DGKQ: variants seen among roughly 807,000 people sequenced by gnomAD.
DGKQ encodes the protein diacylglycerol kinase theta, also known as DAG kinase theta.
DGKQ carries 97 observed loss-of-function variants against 104.2 expected under a neutral mutation model. That is an observed-to-expected ratio of 0.93 (90% CI 0.79 to 1.10). The LOEUF is 1.10. Among genes scored for constraint, DGKQ ranks in the 50% least tolerant of loss-of-function variants. The pLI, the probability that DGKQ is intolerant of heterozygous loss-of-function variation, is 0.00. For missense variants in DGKQ, 1,465 were observed against 1,352.1 expected (o/e 1.08, Z -1.31); for synonymous variants, 736 against 595.2 (o/e 1.24, Z -3.44).
rs1225167387 is a variant in DGKQ at position 961,494 on chromosome 4, A to G, written c.2547T>C (p.Val849=). ...KPRMDDGLLE[V]VGVTGVVHMG... ...TGTGCACGACGCCCGTCACGCCCAC[A>G]ACCTCCAGCAGCCCGTCGTCCATGC... The change falls in exon 21 of 23, where the codon GTT becomes GTC. Residue 849 remains valine (V), a synonymous_variant. Transcript: ENST00000273814. 6.2e-7 allele frequency: 1 copy of G among 1,606,232 alleles called. No individual in the cohort carries two copies. Among genetic ancestry groups the G allele is most frequent in the South Asian group, 1.1e-5 (1 of 90,352 alleles).
chr4:966,025 A>G lies in DGKQ; in HGVS notation c.1482T>C (p.Asp494=). 5.0e-6 allele frequency: 8 copies of G among 1,605,142 alleles called. No individual in the cohort carries two copies. Among genetic ancestry groups the G allele is most frequent in the Non-Finnish European group, 6.8e-6 (8 of 1,176,858 alleles). ...CAAACAGGGAGACGTGCGGGGCTAC[A>G]TCCCTGCTCTCTGCCACGTAGAACC... ...QTRFYVAESR[D]VAPHVSLFVG... is the part of the protein sequence containing the mutation. The change falls in exon 13 of 23, where the codon GAT becomes GAC. Residue 494 remains aspartate, a synonymous_variant. Coordinates refer to ENST00000273814, the MANE Select transcript of DGKQ (RefSeq NM_001347.4).
At chr4:967,506 G>T in intron 8 of DGKQ, 43 bp downstream of exon 8, 1 of 1,583,752 alleles carries the variant, frequency 6.3e-7, no homozygotes. Flanking sequence ...GGGGACATGC[G>T]GTCCTGGGAG....
In DGKQ at chr4:971,001, G is replaced by C; in HGVS notation, c.343C>G (p.Leu115Val). Reference protein sequence around the residue: ...RIPCTSVAPSLVRVPVAHCFG... With the variant: ...RIPCTSVAPSVVRVPVAHCFG... ...CCCAGCCCCACACTCACCCGGACCA[G>C]GCTGGGTGCCACACTCGTGCACGGG... The change falls in exon 2 of 23, where the codon CTG (leucine) becomes GTG (valine). Residue 115 changes from leucine to valine, a missense_variant. Coordinates refer to ENST00000273814, the MANE Select transcript of DGKQ (RefSeq NM_001347.4). The surrounding 1 kb of genome is among the most constrained non-coding windows in gnomAD (Gnocchi z 4.0). 6.4e-7 allele frequency: 1 copy of C among 1,551,798 alleles called. No individual in the cohort carries two copies.
intron 2 of DGKQ, among the ~76,000 whole-genome samples, chr4:970,234 A>G (rs1712822943): frequency 6.6e-6 from 1 of 152,246 alleles, no homozygotes; most frequent in African/African-American, 2.4e-5. Flanking sequence ...GTCCTGCTGC[A>G]CACCCGGGCC....
rs189988951 is a variant in DGKQ, at chr4:971,296, A to G, written c.272-224T>C. 1.6e-4 allele frequency among the ~76,000 whole-genome samples: 24 copies of G among 152,166 alleles called. No homozygotes were observed. Among genetic ancestry groups the G allele is most frequent in the African/African-American group, 5.3e-4 (22 of 41,418 alleles). ...GTGGTCCTGACCATCCTGGAGGACA[A>G]TGAGTGTATCCTCTCATCCAGAGAG... On this transcript the variant is annotated intron_variant, in intron 1 of 22. Transcript: ENST00000273814. The surrounding 1 kb of genome is among the most constrained non-coding windows in gnomAD (Gnocchi z 4.0).
rs1248679149 is a variant in DGKQ at position 961,534 on chromosome 4, C to T, written c.2507G>A (p.Arg836Lys). The T allele has an allele frequency of 1.2e-6, 2 of 1,609,522 alleles. No individual in the cohort carries two copies. Among genetic ancestry groups the T allele is most frequent in the Admixed American group, 3.3e-5 (2 of 59,770 alleles). The part of the protein sequence containing the change: ...ADLWGSDSDT[R>K]FEKPRMDDGL... ...GTCGTCCATGCGTGGCTTCTCAAAC[C>T]TGGTGTCGCTGTCGGAGCCCCACAG... is the stretch of plus-strand genomic sequence containing the variant. Residue 836 changes from arginine to lysine, a missense_variant, in exon 21 of 23, where the codon AGG (arginine) becomes AAG (lysine). Physicochemically the swap from Arg to Lys is conservative, Grantham distance 26. Coordinates refer to ENST00000273814, the MANE Select transcript of DGKQ (RefSeq NM_001347.4).
In DGKQ at chr4:961,321, C is replaced by T. The variant is rs1171361076; in HGVS notation, c.2575-120G>A. The T allele has an allele frequency of 3.2e-6, 4 of 1,269,404 alleles. No homozygotes were observed. In the Admixed American group the frequency reaches 8.6e-5, roughly 27 times the overall value. 78.6% of individuals were successfully genotyped at this position (1,269,404 alleles called of 1,614,324 possible). ...AGGGACGCCCACCCTGGACCTGGCC[C>T]TGGGGCGGGAGAGGCCAGCCGGGCT... On this transcript the variant is annotated intron_variant, in intron 21 of 22. Transcript: ENST00000273814.
At position 967,417 on chromosome 4, in the gene DGKQ, G is replaced by A. The variant is rs896360429; in HGVS notation, c.988-56C>T. 107 of 1,334,034 alleles carry A rather than the reference G, an allele frequency of 8.0e-5. 1 individual carries two copies. In the South Asian group the frequency reaches 1.3e-3, roughly 16 times the overall value. The allele number at this position is 1,334,034 out of a possible 1,614,324, so 82.6% of individuals were successfully genotyped here. ...TGTGGGGGGTCAGGCGGGGTTCAGT[G>A]GGGGGCAGGTCATGGAGGGGGAGGC... On this transcript the variant is annotated intron_variant, in intron 8 of 22. Coordinates refer to ENST00000273814, the MANE Select transcript of DGKQ (RefSeq NM_001347.4).
In DGKQ at chr4:961,044, C is replaced by T. The variant is rs1711845235; in HGVS notation, c.2727+5G>A. The T allele has an allele frequency of 1.7e-5, 28 of 1,612,190 alleles. No individual in the cohort carries two copies. Among genetic ancestry groups the T allele is most frequent in the Non-Finnish European group, 2.4e-5 (28 of 1,179,642 alleles). ...CCCCTGGCTCTCCAGCCTCACCCCA[C>T]ATACCTTAGGGCCAGCAGCTGAGAT... On this transcript the variant is annotated splice_donor_5th_base_variant and intron_variant, in intron 22 of 22. Transcript: ENST00000273814.
rs1711967292 is a variant in DGKQ, at chr4:962,530, C to A, written c.2119G>T (p.Ala707Ser). ...PFSVLLSVDE[A>S]DAVLMDRWTI... ...CAGCGGTCCATGAGCACGGCGTCGG[C>A]CTCGTCCACAGACAGCAGTACGGAG... The change falls in exon 18 of 23, where the codon GCC (alanine) becomes TCC (serine). Residue 707 changes from alanine to serine, a missense_variant. Coordinates refer to ENST00000273814, the MANE Select transcript of DGKQ (RefSeq NM_001347.4). 1 of 1,610,044 alleles carries A rather than the reference C, an allele frequency of 6.2e-7. No homozygotes were observed. The highest frequency in any genetic ancestry group is 1.3e-5 in the African/African-American group (1 of 74,922).
rs757376107 is a variant in DGKQ, at chr4:967,218, G to A, written c.1131C>T (p.Pro377=). 119 of 1,580,720 alleles carry A rather than the reference G, an allele frequency of 7.5e-5. No individual in the cohort carries two copies. The highest frequency in any genetic ancestry group is 1.7e-4 in the Middle Eastern group (1 of 6,040). The change falls in exon 9 of 23, where the codon CCC becomes CCT. Residue 377 remains proline (P), a synonymous_variant. Coordinates refer to ENST00000273814, the MANE Select transcript of DGKQ (RefSeq NM_001347.4). Reference sequence around the variant, plus strand: ...CCTCTGGCGTGGCCTCGCCGGACCCGGGGCTTCTGCCCTCCTCCGAGATCA... The same window carrying A: ...CCTCTGGCGTGGCCTCGCCGGACCCAGGGCTTCTGCCCTCCTCCGAGATCA... ...SAVISEEGRS[P]GSGEATPEAW... is the part of the protein sequence containing the mutation.
intron 14 of DGKQ, 85 bp downstream of exon 14, chr4:965,406 G>C (rs1712228963): frequency 1.3e-6 from 2 of 1,551,072 alleles, no homozygotes; most frequent in Non-Finnish European, 1.8e-6. Flanking sequence ...GAAAGGTCAG[G>C]TGCTACGTGA....
In DGKQ at chr4:967,171, G is replaced by A. The variant is rs370662507; in HGVS notation, c.1178C>T (p.Pro393Leu). Reference protein sequence around the residue: ...TPEAWVIRALPRAQEVLKIYP... With the variant: ...TPEAWVIRALLRAQEVLKIYP... ...GATCTTCAGGACCTCCTGGGCCCGCGGCAGAGCCCGGATGACCCAGGCCTC... is the reference window on the plus strand; with the variant it reads ...GATCTTCAGGACCTCCTGGGCCCGCAGCAGAGCCCGGATGACCCAGGCCTC... The change falls in exon 9 of 23, where the codon CCG becomes CTG. Residue 393 changes from proline (P) to leucine (L), a missense_variant. By Grantham distance (98) the Pro-to-Leu change is moderately conservative. Transcript: ENST00000273814. 7 of 1,598,656 alleles carry A rather than the reference G, an allele frequency of 4.4e-6. No individual in the cohort carries two copies. Among genetic ancestry groups the A allele is most frequent in the Middle Eastern group, 1.7e-4 (1 of 6,034 alleles).
In DGKQ at chr4:963,197, G is replaced by A. The variant is rs1217453081; in HGVS notation, c.1828C>T (p.Arg610Trp). Residue 610 changes from arginine to tryptophan, a missense_variant, in exon 16 of 23, where the codon CGG (arginine) becomes TGG (tryptophan). Physicochemically the swap from Arg to Trp is moderately radical, Grantham distance 101. Coordinates refer to ENST00000273814, the MANE Select transcript of DGKQ (RefSeq NM_001347.4). ...ACCTGATGAGGGTTCAGTAGCTTCC[G>A]GAAGCTGCAGAGCAGGTCTCGGCCC... ...LKGRDLLCSF[R>W]KLLNPHQVFD... The A allele has an allele frequency of 5.6e-6, 9 of 1,611,032 alleles. No individual in the cohort carries two copies. Among genetic ancestry groups the A allele is most frequent in the Admixed American group, 5.0e-5 (3 of 59,946 alleles).
chr4:971,150 G>A lies in DGKQ; in HGVS notation c.272-78C>T. The A allele has an allele frequency of 1.9e-6, 2 of 1,074,022 alleles. No individual in the cohort carries two copies. The allele number at this position is 1,074,022 out of a possible 1,614,324, so 66.5% of individuals were successfully genotyped here. ...CTACCCAGGAAGTTAGAGGCCCCAGGGCAATGACTGCCATACCCACCATGC... is the reference window on the plus strand; with the variant it reads ...CTACCCAGGAAGTTAGAGGCCCCAGAGCAATGACTGCCATACCCACCATGC... On this transcript the variant is annotated intron_variant, in intron 1 of 22. Coordinates refer to ENST00000273814, the MANE Select transcript of DGKQ (RefSeq NM_001347.4). The surrounding 1 kb of genome is among the most constrained non-coding windows in gnomAD (Gnocchi z 4.0).
In DGKQ at chr4:960,700, T is replaced by C. The variant is rs773959064; in HGVS notation, c.2749A>G (p.Lys917Glu). ...GPKVHMLRKA[K>E]QKPRRAGTTR... ...GTCCCGGCCCTCCTCGGCTTCTGCTTGGCCTTCCTCAGCATGTGCACCTGT... is the reference window on the plus strand; with the variant it reads ...GTCCCGGCCCTCCTCGGCTTCTGCTCGGCCTTCCTCAGCATGTGCACCTGT... Residue 917 changes from lysine to glutamate, a missense_variant, in exon 23 of 23, where the codon AAG becomes GAG. Coordinates refer to ENST00000273814, the MANE Select transcript of DGKQ (RefSeq NM_001347.4). The C allele has an allele frequency of 6.2e-7, 1 of 1,611,986 alleles. No homozygotes were observed. The highest frequency in any genetic ancestry group is 2.2e-5 in the East Asian group (1 of 44,826).
At position 971,728 on chromosome 4, in the gene DGKQ, G is replaced by A. The variant is rs975241108; in HGVS notation, c.272-656C>T. On this transcript the variant is annotated intron_variant, in intron 1 of 22. Transcript: ENST00000273814. The surrounding 1 kb of genome is among the most constrained non-coding windows in gnomAD (Gnocchi z 4.0). ...GTAAAACAGACAGGAGGGTGGGGCC[G>A]GGGCAGAAGGGAGGGCAGGAACCCT... is the stretch of plus-strand genomic sequence containing the variant. Among the ~76,000 whole-genome samples, 3 of 152,130 alleles carry A rather than the reference G, an allele frequency of 2.0e-5. No individual in the cohort carries two copies. Among genetic ancestry groups the A allele is most frequent in the South Asian group, 2.1e-4 (1 of 4,830 alleles).
intron 1 of DGKQ, 75 bp downstream of exon 1, chr4:973,137 C>A: frequency 7.3e-7 from 1 of 1,376,068 alleles, no homozygotes; most frequent in Non-Finnish European, 9.4e-7. Flanking sequence ...GCGCCGGTGC[C>A]ACCTCCGCTC....
At chr4:973,187 G>A in intron 1 of DGKQ, 25 bp downstream of exon 1, 1 of 1,525,678 alleles carries the variant, frequency 6.6e-7, no homozygotes, top group Non-Finnish European at 8.8e-7. Context: ...CTGCAGCCGG[G>A]TAGGCATCGG....
Sources: gnomAD v4.1 joint callset for allele counts (sites outside exome capture counted in the v4.1 genomes callset) on GRCh38, gnomAD v4.1.1 for gene constraint, Gnocchi (gnomAD v3.1) non-coding constraint, MANE v1.5 for transcripts, NCBI Gene and HGNC (gene_info 2026-07-23, HGNC 2026-07-21) for gene names.